The following SP140 variants were observed in gnomAD, a reference collection of about 807,000 sequenced individuals.
SP140 encodes SP140 nuclear body protein.
SP140 carries 81 observed loss-of-function variants against 125.0 expected under a neutral mutation model. The ratio of observed to expected loss-of-function variants is 0.65; its 90% CI spans 0.54 to 0.78. SP140 has a LOEUF of 0.78. SP140 is among the 30% of genes least tolerant of loss of function. SP140 has a pLI of 0.00. For synonymous variants in SP140, 312 were observed against 354.0 expected, an observed-to-expected ratio of 0.88 and a Z score of 1.33; for missense variants, 858 against 1,037.0, an observed-to-expected ratio of 0.83 and a Z score of 2.37.
chr2:230,249,211 A>T (rs1372394159), intron 9 of SP140, among the ~76,000 whole-genome samples: 1 of 152,176 alleles, frequency 6.6e-6, no homozygotes, highest in Non-Finnish European at 1.5e-5. Flanking sequence ...GAGAACGAAT[A>T]TACCAGAGGT....
upstream of SP140, among the ~76,000 whole-genome samples, chr2:230,224,440 G>GGAGGGAGAGA (rs200009484): frequency 7.0e-6 from 1 of 142,970 alleles, no homozygotes; most frequent in South Asian, 2.3e-4. Flanking sequence ...GGAGGGAGAG[G>GGAGGGAGAGA]GAGGGAGAGA....
intron 3 of SP140, among the ~76,000 whole-genome samples, chr2:230,214,504 T>G (rs1432241318): frequency 2.6e-5 from 4 of 152,216 alleles, no homozygotes; most frequent in African/African-American, 9.6e-5. Flanking sequence ...TTCAAAGGGT[T>G]GTTTTAAAGA....
At chr2:230,239,007 C>A in intron 3 of SP140, 1 of 1,459,602 alleles carries the variant, frequency 6.9e-7, no homozygotes, top group Non-Finnish European at 9.0e-7. Context: ...AGGCTTGACA[C>A]CCTGTGCTAA....
intron 15 of SP140, among the ~76,000 whole-genome samples, chr2:230,278,138 C>T (rs1031340222): frequency 1.3e-5 from 2 of 152,124 alleles, no homozygotes; most frequent in African/African-American, 4.8e-5. Flanking sequence ...ACCTCACCAA[C>T]ACTTGTTATC....
At position 230,313,174 on chromosome 2, in the gene SP140, T is replaced by C. The variant is rs1245986619; in HGVS notation, c.*490T>C. 4 of 155,018 alleles carry C rather than the reference T, an allele frequency of 2.6e-5. No homozygotes were observed. Among genetic ancestry groups the C allele is most frequent in the African/African-American group, 9.7e-5 (4 of 41,446 alleles). 9.6% of individuals were successfully genotyped at this position (155,018 alleles called of 1,614,324 possible). A position where few individuals can be genotyped will look rare whatever the true frequency, so the allele number is the denominator to read the frequency against. On this transcript the variant is annotated 3_prime_UTR_variant, in exon 27 of 27. Coordinates refer to ENST00000392045, the MANE Select transcript of SP140 (RefSeq NM_007237.5). ...CTCGGAGTCTCATATTTTGTGGGAC[T>C]CCTGTGCAAACATATGTTATTAAAA... is the stretch of plus-strand genomic sequence containing the variant.
At chr2:230,262,542 A>G (rs1427804284) in intron 12 of SP140, among the ~76,000 whole-genome samples, 1 of 151,702 alleles carries the variant, frequency 6.6e-6, no homozygotes, top group Non-Finnish European at 1.5e-5. Context: ...GTGACCTTAG[A>G]TTGTCAGTTT....
At position 230,292,859 on chromosome 2, in the gene SP140, C is replaced by T. The variant is rs187850825; in HGVS notation, c.1968+71C>T. 1.6e-4 allele frequency: 263 copies of T among 1,598,450 alleles called. No homozygotes were observed. In the East Asian group the frequency reaches 2.9e-3, roughly 18 times the overall value. ...TAATAATGAGGAGACTGTTTATTCA[C>T]CAAATATTTGTTAGGTTATAGCTAA... On this transcript the variant is annotated intron_variant, in intron 20 of 26. Coordinates refer to ENST00000392045, the MANE Select transcript of SP140 (RefSeq NM_007237.5).
chr2:230,211,881 C>T lies in SP140; in HGVS notation c.-322-1773C>T. Among the ~76,000 whole-genome samples, 1 of 152,084 alleles carries T rather than the reference C, an allele frequency of 6.6e-6. No homozygotes were observed. Among genetic ancestry groups the T allele is most frequent in the Non-Finnish European group, 1.5e-5 (1 of 68,006 alleles). ...TCCATGGTATCATTTTTGACAATGC[C>T]CAATATCATACCATTCTTACGTTTA... On this transcript the variant is annotated intron_variant, in intron 1 of 4. Coordinates refer to the SP140 transcript ENST00000456542. The surrounding 1 kb of genome is among the most constrained non-coding windows in gnomAD (Gnocchi z 4.2).
At chr2:230,262,141 C>T (rs897318509) in intron 12 of SP140, among the ~76,000 whole-genome samples, 16 of 152,090 alleles carry the variant, frequency 1.1e-4, no homozygotes, top group African/African-American at 3.6e-4. Context: ...TGTTACTGGT[C>T]TGTTCAAGGT....
chr2:230,290,362 T>C, intron 18 of SP140, 98 bp from the exon 19 acceptor site: 1 of 1,098,502 alleles, frequency 9.1e-7, no homozygotes, highest in Non-Finnish European at 1.3e-6. Context: ...GAATAGAATT[T>C]CCTAAGTATC....
At chr2:230,270,465 G>A in intron 14 of SP140, 121 bp from the exon 15 acceptor site, 2 of 1,037,578 alleles carry the variant, frequency 1.9e-6, no homozygotes, top group African/African-American at 1.6e-5. Context: ...CTAGAAGAAA[G>A]AGAGGAATGA....
At chr2:230,227,197 ACT>A (rs1447496847) in intron 1 of SP140, among the ~76,000 whole-genome samples, 2 of 152,228 alleles carry the variant, frequency 1.3e-5, no homozygotes, top group African/African-American at 4.8e-5. Context: ...TGCTAAGGCT[ACT>A]TCTGGCGCTG....
intron 12 of SP140, among the ~76,000 whole-genome samples, chr2:230,266,511 A>G (rs1362566599): frequency 1.3e-5 from 2 of 152,186 alleles, no homozygotes; most frequent in Non-Finnish European, 2.9e-5. Context: ...GGCTTACTAC[A>G]ATACCCACTT....
chr2:230,199,331 C>T (rs1216754882), upstream of SP140, among the ~76,000 whole-genome samples: 2 of 150,222 alleles, frequency 1.3e-5, no homozygotes, highest in African/African-American at 4.9e-5. Flanking sequence ...TCCTCAGCCT[C>T]CCATGTAGCT....
At chr2:230,206,595 T>TTATATATATATAGA (rs2043845422) in intron 1 of SP140, among the ~76,000 whole-genome samples, 1 of 70,508 alleles carries the variant, frequency 1.4e-5, no homozygotes, top group Non-Finnish European at 2.8e-5. Context: ...GGTCCAGATT[T>TTATATATATATAGA]TATATATATA....
intron 1 of SP140, among the ~76,000 whole-genome samples, chr2:230,235,821 C>T (rs977338309): frequency 2.7e-5 from 4 of 150,840 alleles, no homozygotes; most frequent in Non-Finnish European, 5.9e-5. Flanking sequence ...TGCATATCCA[C>T]ACAAATCTCC....
intron 1 of SP140, among the ~76,000 whole-genome samples, chr2:230,207,123 C>T (rs913312642): frequency 5.9e-5 from 9 of 152,254 alleles, no homozygotes; most frequent in Middle Eastern, 6.8e-3. Context: ...GGATCTTTTC[C>T]ATTTTATCTC....
intron 3 of SP140, among the ~76,000 whole-genome samples, chr2:230,215,904 T>G (rs929282257): frequency 6.6e-6 from 1 of 152,158 alleles, no homozygotes; most frequent in Non-Finnish European, 1.5e-5. Flanking sequence ...ATGAGATGAG[T>G]TGGCCAAGGA....
intron 15 of SP140, among the ~76,000 whole-genome samples, chr2:230,274,005 G>T (rs889240122): frequency 6.6e-6 from 1 of 151,836 alleles, no homozygotes; most frequent in African/African-American, 2.4e-5. Context: ...TAACTAATAA[G>T]TATGAGGCTT....
Sources: gnomAD v4.1 joint callset for allele counts (sites outside exome capture counted in the v4.1 genomes callset) on GRCh38, gnomAD v4.1.1 for gene constraint, Gnocchi (gnomAD v3.1) non-coding constraint, MANE v1.5 for transcripts, NCBI Gene and HGNC (gene_info 2026-07-23, HGNC 2026-07-21) for gene names.